ABI2: variants seen among roughly 807,000 people sequenced by gnomAD.
ABI2 encodes the protein abl interactor 2, also known as abelson interactor 2.
A neutral mutation model predicts 59.2 loss-of-function variants in ABI2; 25 were observed. The observed-to-expected ratio is 0.42, with a 90% CI of 0.31 to 0.59. ABI2 has a LOEUF of 0.59. Among genes scored for constraint, ABI2 ranks in the 20% least tolerant of loss-of-function variants. ABI2 has a pLI of 0.14. For synonymous variants in ABI2, 213 were observed against 235.5 expected (o/e 0.90, Z 0.87); for missense variants, 545 against 681.8 (o/e 0.80, Z 2.23).
In ABI2 at chr2:203,380,348, C is replaced by T; in HGVS notation, c.426C>T (p.Asp142=). The T allele has an allele frequency of 6.3e-7, 1 of 1,582,634 alleles. No individual in the cohort carries two copies. Among genetic ancestry groups the T allele is most frequent in the South Asian group, 1.2e-5 (1 of 84,868 alleles). The change falls in exon 3 of 12, where the codon GAC becomes GAT. Residue 142 remains aspartate, a synonymous_variant. Transcript: ENST00000261018. ...RPVRYIRKPI[D]YTILDDIGHG... is the part of the protein sequence containing the mutation. ...TTCGTTATATTAGAAAACCTATTGA[C>T]TATACAATTCTAGATGATATTGGAC...
chr2:203,386,512 TAAC>T (rs1266876923), intron 4 of ABI2: 2 of 678,414 alleles, frequency 2.9e-6, no homozygotes, highest in Non-Finnish European at 1.8e-6. Context: ...TTTTAAAACT[TAAC>T]AAGTTTAAGA....
chr2:203,413,204 A>G (rs1208785166), intron 10 of ABI2, among the ~76,000 whole-genome samples: 2 of 152,216 alleles, frequency 1.3e-5, no homozygotes, highest in African/African-American at 4.8e-5. Flanking sequence ...GACATTGAAG[A>G]CTAATCCATT....
Position 203,419,544 on chromosome 2 carries a change from AT to A in ABI2, c.1453+2477del, listed in dbSNP as rs78060075. Among the ~76,000 whole-genome samples the A allele has an allele frequency of 2.9e-3, 364 of 123,672 alleles. 1 individual carries two copies. Among genetic ancestry groups the A allele is most frequent in the East Asian group, 3.5e-3 (15 of 4,290 alleles). The allele number at this position is 123,672 out of a possible 152,430, so 81.1% of individuals were successfully genotyped here. A position where few individuals can be genotyped will look rare whatever the true frequency, so the allele number is the denominator to read the frequency against. ...CCACCATGCCTGGGTAATTTTTTGT[AT>A]TTTTTTTTTTTTTGGTAGAGACGGG... On this transcript the variant is annotated intron_variant, in intron 11 of 11. Coordinates refer to ENST00000261018, the MANE Select transcript of ABI2 (RefSeq NM_001375670.1).
At chr2:203,353,235 A>C (rs777503103) in intron 1 of ABI2, among the ~76,000 whole-genome samples, 68 of 152,096 alleles carry the variant, frequency 4.5e-4, no homozygotes, top group South Asian at 1.7e-3. Context: ...AATACAGTTG[A>C]TTTTGTATAT....
At chr2:203,414,370 G>T (rs2097801114) in intron 10 of ABI2, among the ~76,000 whole-genome samples, 1 of 152,138 alleles carries the variant, frequency 6.6e-6, no homozygotes. Flanking sequence ...CCAAAGTGCT[G>T]GGATTACAGG....
rs2098468704 is a variant in ABI2 at position 203,429,851 on chromosome 2, C to G, written c.*2499C>G. 6.6e-6 allele frequency: 1 copy of G among 152,044 alleles called. No homozygotes were observed. Among genetic ancestry groups the G allele is most frequent in the Admixed American group, 6.6e-5 (1 of 15,256 alleles). The allele number at this position is 152,044 out of a possible 1,614,324, so 9.4% of individuals were successfully genotyped here. ...TTAGTGGCGGTCAGCAGGAATGCAG[C>G]TGGTCTTTTGGACCCCTACGGGATG... On this transcript the variant is annotated 3_prime_UTR_variant, in exon 12 of 12. Transcript: ENST00000261018.
rs1259310860 is a variant in ABI2, at chr2:203,408,833, C to CTTTCTTTTTTTTTT, written c.1193-2449_1193-2448insCTTTTTTTTTTTTT. ...TTTTGTCTATGCTACCTTCTCCTTT[C>CTTTCTTTTTTTTTT]TTTTTTTTTTTTTTTTGAGACGGAG... On this transcript the variant is annotated intron_variant, in intron 9 of 11. Transcript: ENST00000261018. 7.6e-4 allele frequency among the ~76,000 whole-genome samples: 66 copies of CTTTCTTTTTTTTTT among 87,198 alleles called. 1 individual carries two copies. The highest frequency in any genetic ancestry group is 9.8e-4 in the Non-Finnish European group (41 of 41,746). 57.2% of individuals were successfully genotyped at this position (87,198 alleles called of 152,430 possible).
At chr2:203,385,392 A>C (rs952589008) in intron 4 of ABI2, among the ~76,000 whole-genome samples, 1 of 151,814 alleles carries the variant, frequency 6.6e-6, no homozygotes, top group African/African-American at 2.4e-5. Flanking sequence ...CGGCCTCCCA[A>C]AGTGCTGGGA....
At chr2:203,332,971 C>T (rs949622716) in intron 1 of ABI2, among the ~76,000 whole-genome samples, 1 of 152,050 alleles carries the variant, frequency 6.6e-6, no homozygotes, top group African/African-American at 2.4e-5. Context: ...TAAGAACTTA[C>T]CTTAAATTTT....
chr2:203,394,930 C>T, intron 6 of ABI2, 84 bp downstream of exon 6: 1 of 1,468,044 alleles, frequency 6.8e-7, no homozygotes, highest in Non-Finnish European at 9.4e-7. Context: ...TCTCATTTTC[C>T]AAGCACTAAG....
At chr2:203,337,276 A>G (rs1484897948) in intron 1 of ABI2, among the ~76,000 whole-genome samples, 4 of 152,218 alleles carry the variant, frequency 2.6e-5, no homozygotes, top group African/African-American at 9.6e-5. Context: ...GACTGTTAGA[A>G]TTAATTAACG....
chr2:203,403,562 A>G (rs2097305186), intron 9 of ABI2, among the ~76,000 whole-genome samples: 1 of 152,072 alleles, frequency 6.6e-6, no homozygotes, highest in Admixed American at 6.5e-5. Context: ...CCTCCAACAT[A>G]AACACTTAAT....
rs922707312 is a variant in ABI2, at chr2:203,428,272, A to G, written c.*920A>G. Reference sequence around the variant, plus strand: ...GAGTAGGATCTTGGAGTTCAGACCAACTATGACTATCATTTCCTTCACTAT... The same window carrying G: ...GAGTAGGATCTTGGAGTTCAGACCAGCTATGACTATCATTTCCTTCACTAT... On this transcript the variant is annotated 3_prime_UTR_variant, in exon 12 of 12. Transcript: ENST00000261018. 6.6e-6 allele frequency: 1 copy of G among 152,628 alleles called. No homozygotes were observed. The highest frequency in any genetic ancestry group is 2.4e-5 in the African/African-American group (1 of 41,456). The allele number at this position is 152,628 out of a possible 1,614,324, so 9.5% of individuals were successfully genotyped here. A position where few individuals can be genotyped will look rare whatever the true frequency, so the allele number is the denominator to read the frequency against.
At chr2:203,388,279 A>G (rs1445155885) in intron 4 of ABI2, among the ~76,000 whole-genome samples, 2 of 152,262 alleles carry the variant, frequency 1.3e-5, no homozygotes, top group East Asian at 1.9e-4. Context: ...GACATTCTAC[A>G]GAGACTCTTG....
chr2:203,417,221 G>A, intron 11 of ABI2, 140 bp downstream of exon 11: 1 of 762,784 alleles, frequency 1.3e-6, no homozygotes, highest in Non-Finnish European at 1.9e-6. Context: ...GAGTTTACAA[G>A]GTTCATGATT....
chr2:203,331,565 G>T (rs1448409639), intron 1 of ABI2, among the ~76,000 whole-genome samples: 1 of 151,596 alleles, frequency 6.6e-6, no homozygotes, highest in Admixed American at 6.6e-5. Context: ...CCCCATTTTG[G>T]CCAGGCTGGT....
Position 203,398,538 on chromosome 2 carries a change from T to C in ABI2, c.1033+1571T>C, listed in dbSNP as rs143800002. On this transcript the variant is annotated intron_variant, in intron 8 of 11. Transcript: ENST00000261018. ...TACAGTACCTGAGTTACCAAGCAAT[T>C]GTTTTTCTTTTTACCAAGGTATAAC... is the stretch of plus-strand genomic sequence containing the variant. 2.0e-3 allele frequency among the ~76,000 whole-genome samples: 303 copies of C among 152,346 alleles called. 1 individual carries two copies. The highest frequency in any genetic ancestry group is 3.7e-3 in the Non-Finnish European group (250 of 68,032).
At chr2:203,371,043 T>G (rs2095128227) in intron 2 of ABI2, among the ~76,000 whole-genome samples, 1 of 152,248 alleles carries the variant, frequency 6.6e-6, no homozygotes, top group Non-Finnish European at 1.5e-5. Context: ...TGCTGACTTG[T>G]GTGACATTTG....
At chr2:203,379,348 A>G (rs2095942692) in intron 2 of ABI2, among the ~76,000 whole-genome samples, 1 of 152,046 alleles carries the variant, frequency 6.6e-6, no homozygotes, top group African/African-American at 2.4e-5. Context: ...CCTGGACTCA[A>G]GCAGTTCTCT....
Sources: allele counts gnomAD v4.1 joint callset (sites outside exome capture counted in the v4.1 genomes callset), GRCh38; gene constraint gnomAD v4.1.1; transcripts MANE v1.5; gene names NCBI Gene and HGNC (gene_info 2026-07-23, HGNC 2026-07-21).